The following APP variants were observed in gnomAD, a reference collection of about 807,000 sequenced individuals.
APP encodes amyloid-beta precursor protein.
Under a neutral mutation model 101.4 loss-of-function variants are expected in APP, and 31 were observed. That is an observed-to-expected ratio of 0.31 (90% confidence interval 0.23 to 0.41). The LOEUF is 0.41. Among genes scored for constraint, APP ranks in the 10% least tolerant of loss-of-function variants. The pLI is 1.00. For missense variants in APP, 839 were observed against 1,003.7 expected (o/e 0.84, Z 2.22); for synonymous variants, 366 against 364.4 (o/e 1.00, Z -0.05).
chr21:26,165,148 A>G (rs1265957586), intron 1 of APP, among the ~76,000 whole-genome samples: 1 of 152,230 alleles, frequency 6.6e-6, no homozygotes, highest in African/African-American at 2.4e-5. Context: ...ATTTCCTGCA[A>G]TAGTCTTAAT....
At chr21:25,914,658 A>G (rs1197381333) in intron 13 of APP, among the ~76,000 whole-genome samples, 1 of 144,752 alleles carries the variant, frequency 6.9e-6, no homozygotes, top group Admixed American at 7.3e-5. Flanking sequence ...GGTTGACGCC[A>G]TTCTCCTGCC....
chr21:25,955,865 G>GTGAGTCACCT (rs1850609957), intron 11 of APP, 110 bp from the exon 12 acceptor site: 1 of 1,479,544 alleles, frequency 6.8e-7, no homozygotes, highest in Non-Finnish European at 9.4e-7. Flanking sequence ...TGAACGTACT[G>GTGAGTCACCT]TGAGTCACCT....
At chr21:26,038,530 G>A (rs188771154) in intron 5 of APP, among the ~76,000 whole-genome samples, 229 of 152,238 alleles carry the variant, frequency 1.5e-3, no homozygotes, top group African/African-American at 5.0e-3. Context: ...TTGGGAGCCC[G>A]AGGCAGGCGG....
intron 3 of APP, among the ~76,000 whole-genome samples, chr21:26,065,006 A>G (rs1056610422): frequency 6.6e-6 from 1 of 152,170 alleles, no homozygotes; most frequent in Non-Finnish European, 1.5e-5. Context: ...GGCCTGCGCC[A>G]CCACGCCCAG....
intron 11 of APP, among the ~76,000 whole-genome samples, chr21:25,969,905 A>AGAGGGGAGGGGAGGGGAGGGGAAGG (rs796868333): frequency 1.3e-5 from 1 of 79,438 alleles, no homozygotes; most frequent in African/African-American, 5.4e-5. Context: ...AGAGAAGAGA[A>AGAGGGGAGGGGAGGGGAGGGGAAGG]GAGGGGAGGG....
At chr21:26,065,633 T>C (rs1367606223) in intron 3 of APP, among the ~76,000 whole-genome samples, 1 of 152,086 alleles carries the variant, frequency 6.6e-6, no homozygotes, top group Non-Finnish European at 1.5e-5. Flanking sequence ...ATGACAGAGG[T>C]GGGCTCAACT....
intron 3 of APP, among the ~76,000 whole-genome samples, chr21:26,055,644 C>T (rs1391076520): frequency 1.3e-5 from 2 of 152,170 alleles, no homozygotes; most frequent in African/African-American, 2.4e-5. Flanking sequence ...TACCCTATGG[C>T]CTGAAGATGC....
chr21:26,005,797 A>G (rs1232262266), intron 6 of APP, among the ~76,000 whole-genome samples: 9 of 152,222 alleles, frequency 5.9e-5, no homozygotes, highest in Admixed American at 2.0e-4. Context: ...CCTGTTTCAC[A>G]TTAATTACTA....
chr21:26,008,192 T>G (rs1295569305), intron 6 of APP, among the ~76,000 whole-genome samples: 1 of 152,216 alleles, frequency 6.6e-6, no homozygotes, highest in African/African-American at 2.4e-5. Flanking sequence ...GACCCAATTC[T>G]CATCTCTCCA....
intron 13 of APP, among the ~76,000 whole-genome samples, chr21:25,926,989 T>G (rs1388179383): frequency 3.9e-5 from 4 of 101,668 alleles, no homozygotes; most frequent in Non-Finnish European, 7.0e-5. Context: ...GGCAACAGAG[T>G]GAGACTCCGT....
intron 3 of APP, among the ~76,000 whole-genome samples, chr21:26,084,398 T>C (rs1001036937): frequency 1.5e-4 from 23 of 151,524 alleles, no homozygotes; most frequent in Non-Finnish European, 2.8e-4. Context: ...GCACCACGCC[T>C]GGCTAATTTT....
At chr21:25,985,531 T>C (rs2042605208) in intron 8 of APP, among the ~76,000 whole-genome samples, 1 of 152,164 alleles carries the variant, frequency 6.6e-6, no homozygotes, top group Non-Finnish European at 1.5e-5. Context: ...TTTACACCAT[T>C]GTCTTCCCTG....
At chr21:25,930,731 T>C (rs2040111753) in intron 13 of APP, among the ~76,000 whole-genome samples, 1 of 152,242 alleles carries the variant, frequency 6.6e-6, no homozygotes, top group Admixed American at 6.5e-5. Flanking sequence ...TAAGCACTTC[T>C]GCACAGTGGC....
At chr21:26,003,373 G>C (rs1444135107) in intron 6 of APP, among the ~76,000 whole-genome samples, 1 of 152,178 alleles carries the variant, frequency 6.6e-6, no homozygotes, top group African/African-American at 2.4e-5. Context: ...GGGGAGTGTT[G>C]GTTGGTTCTC....
chr21:26,085,443 A>G (rs1338539456), intron 3 of APP, among the ~76,000 whole-genome samples: 1 of 152,156 alleles, frequency 6.6e-6, no homozygotes. Flanking sequence ...TGACTTCAAA[A>G]TTAGTAGGAT....
In APP at chr21:25,891,815, C is replaced by A; in HGVS notation, c.2118G>T (p.Met706Ile). The change falls in exon 17 of 18, where the codon ATG (methionine) becomes ATT (isoleucine). Residue 706 changes from methionine (M) to isoleucine (I), a missense_variant. Met to Ile is a conservative substitution (Grantham distance 10). Transcript: ENST00000346798. ...CTGTCGCTATGACAACACCGCCCAC[C>A]ATGAGTCCAATGATTGCACCTTTGT... ...GSNKGAIIGL[M>I]VGGVVIATVI... 1 of 1,614,104 alleles carries A rather than the reference C, an allele frequency of 6.2e-7. No individual in the cohort carries two copies. Among genetic ancestry groups the A allele is most frequent in the Non-Finnish European group, 8.5e-7 (1 of 1,180,004 alleles).
Position 25,929,390 on chromosome 21 carries a change from T to G in APP, c.1688-17428A>C, listed in dbSNP as rs951399198. 1.2e-4 allele frequency among the ~76,000 whole-genome samples: 17 copies of G among 147,276 alleles called. No individual in the cohort carries two copies. The South Asian group carries it at 2.6e-3, about 23-fold the overall frequency. Reference sequence around the variant, plus strand: ...CAGCAGAAATAATCAAGAGTAGTGGTTTTTTTTTAATGGTTTTATTCTTAC... The same window carrying G: ...CAGCAGAAATAATCAAGAGTAGTGGGTTTTTTTTAATGGTTTTATTCTTAC... On this transcript the variant is annotated intron_variant, in intron 13 of 17. Coordinates refer to ENST00000346798, the MANE Select transcript of APP (RefSeq NM_000484.4).
At chr21:26,036,311 C>T (rs888679536) in intron 5 of APP, among the ~76,000 whole-genome samples, 2 of 151,834 alleles carry the variant, frequency 1.3e-5, no homozygotes, top group African/African-American at 4.8e-5. Context: ...ACTCCTAAAG[C>T]CTGCATAAAC....
intron 15 of APP, among the ~76,000 whole-genome samples, chr21:25,903,386 A>AAT (rs2038614978): frequency 6.9e-6 from 1 of 144,060 alleles, no homozygotes; most frequent in African/African-American, 2.7e-5. Flanking sequence ...AAAAAAAAAA[A>AAT]TCAAAAAACA....
Sources: gnomAD v4.1 joint callset for allele counts (sites outside exome capture counted in the v4.1 genomes callset) on GRCh38, gnomAD v4.1.1 for gene constraint, MANE v1.5 for transcripts, NCBI Gene and HGNC (gene_info 2026-07-23, HGNC 2026-07-21) for gene names.